BTG3: variants seen among roughly 807,000 people sequenced by gnomAD.
The protein encoded by BTG3 is protein BTG3.
In BTG3, 4 loss-of-function variants were observed where a neutral mutation model predicts 25.8. The observed-to-expected ratio is 0.16, with a 90% CI of 0.08 to 0.36. BTG3 has a LOEUF of 0.36. BTG3 is among the 10% of genes least tolerant of loss of function. The pLI, the probability that BTG3 is intolerant of heterozygous loss-of-function variation, is 1.00. For synonymous variants in BTG3, 107 were observed against 99.9 expected (o/e 1.07, Z -0.42); for missense variants, 201 against 304.9 (o/e 0.66, Z 2.54).
chr21:17,601,192 G>T (rs1378440685), intron 3 of BTG3, among the ~76,000 whole-genome samples: 1 of 152,012 alleles, frequency 6.6e-6, no homozygotes, highest in South Asian at 2.1e-4. Flanking sequence ...CTACGGGATG[G>T]TAGAAAGGGC....
At chr21:17,610,208 T>C (rs2061700738) in intron 1 of BTG3, among the ~76,000 whole-genome samples, 1 of 152,170 alleles carries the variant, frequency 6.6e-6, no homozygotes, top group South Asian at 2.1e-4. Context: ...AAGTACAGGG[T>C]TACTTTTTGA....
chr21:17,599,978 A>C (rs1177489044), intron 3 of BTG3, among the ~76,000 whole-genome samples: 1 of 152,226 alleles, frequency 6.6e-6, no homozygotes, highest in Non-Finnish European at 1.5e-5. Context: ...GTTTTGCTTA[A>C]ATTATATTGC....
intron 4 of BTG3, among the ~76,000 whole-genome samples, chr21:17,594,947 AC>A (rs2061485641): frequency 6.6e-6 from 1 of 151,994 alleles, no homozygotes; most frequent in Non-Finnish European, 1.5e-5. Flanking sequence ...TCCCTGTGAC[AC>A]ATGTTTACCT....
At chr21:17,605,510 A>G (rs2061627813) in intron 2 of BTG3, among the ~76,000 whole-genome samples, 1 of 152,232 alleles carries the variant, frequency 6.6e-6, no homozygotes, top group African/African-American at 2.4e-5. Flanking sequence ...TAAATACAGG[A>G]TAAGTGAAGG....
At chr21:17,602,792 A>G (rs776206992) in intron 3 of BTG3, among the ~76,000 whole-genome samples, 80 of 152,330 alleles carry the variant, frequency 5.3e-4, no homozygotes, top group Non-Finnish European at 4.4e-4. Context: ...GAATGTCCGT[A>G]TAACTAAAGT....
At chr21:17,603,317 A>G (rs1030452243) in intron 3 of BTG3, among the ~76,000 whole-genome samples, 2 of 152,210 alleles carry the variant, frequency 1.3e-5, no homozygotes, top group Non-Finnish European at 2.9e-5. Context: ...TCTCAGACCT[A>G]AATTTGAGAT....
At chr21:17,611,364 A>G (rs1171367998) in intron 1 of BTG3, among the ~76,000 whole-genome samples, 2 of 152,176 alleles carry the variant, frequency 1.3e-5, no homozygotes, top group African/African-American at 4.8e-5. Flanking sequence ...CACATATCTG[A>G]GTTCTGGATT....
chr21:17,608,236 G>A (rs1448173234), intron 2 of BTG3, among the ~76,000 whole-genome samples: 2 of 152,160 alleles, frequency 1.3e-5, no homozygotes, highest in South Asian at 4.1e-4. Flanking sequence ...AGCCTGGTGT[G>A]TTGGCACATG....
chr21:17,596,726 ATCC>A lies in BTG3; in HGVS notation c.519+1888_519+1890del, dbSNP rs560701860. Among the ~76,000 whole-genome samples the A allele has an allele frequency of 2.7e-3, 413 of 152,188 alleles. 3 individuals are homozygous for A. The highest frequency in any genetic ancestry group is 9.3e-3 in the African/African-American group (388 of 41,558). On this transcript the variant is annotated intron_variant, in intron 4 of 4. Transcript: ENST00000348354. ...TGAATTAGTGTGAGCCCTCCAACTG[ATCC>A]TCCTTTTTTAAAATTTTGAATCAAT...
intron 3 of BTG3, among the ~76,000 whole-genome samples, chr21:17,601,145 AGAGT>A (rs1165750611): frequency 2.0e-5 from 3 of 151,786 alleles, no homozygotes; most frequent in Non-Finnish European, 2.9e-5. Context: ...CCTGGGCGAC[AGAGT>A]GAGACTCCGT....
chr21:17,611,749 G>GT (rs1303011971), intron 1 of BTG3: 7 of 152,236 alleles, frequency 4.6e-5, no homozygotes, highest in African/African-American at 1.7e-4. Flanking sequence ...GTTCTACTTT[G>GT]TTCCACAAGG....
At chr21:17,607,044 C>T (rs565931012) in intron 2 of BTG3, among the ~76,000 whole-genome samples, 1 of 152,302 alleles carries the variant, frequency 6.6e-6, no homozygotes, top group Admixed American at 6.5e-5. Context: ...ACTGAAGTCT[C>T]TACTAACTTG....
Position 17,594,236 on chromosome 21 carries a change from G to T in BTG3, c.616C>A (p.Pro206Thr). Residue 206 changes from proline (P) to threonine (T), a missense_variant, in exon 5 of 5, where the codon CCT becomes ACT. This residue lies in a region of BTG3 where 131 missense variants were observed against 129.3 expected (regional missense o/e 1.01). Coordinates refer to ENST00000348354, the MANE Select transcript of BTG3 (RefSeq NM_006806.5). ...GGATAACCAAATGGAACAGGAGGAG[G>T]ATAGTGATTCTGATGGCCATTCCCT... Reference protein sequence around the residue: ...YRGNGHQNHYPPPVPFGYPNQ... With the variant: ...YRGNGHQNHYTPPVPFGYPNQ... 1 of 1,613,372 alleles carries T rather than the reference G, an allele frequency of 6.2e-7. No individual in the cohort carries two copies.
chr21:17,606,918 T>C (rs1177910937), intron 2 of BTG3, among the ~76,000 whole-genome samples: 3 of 152,196 alleles, frequency 2.0e-5, no homozygotes, highest in African/African-American at 7.2e-5. Context: ...AATATTTTTA[T>C]AGATCTTGAT....
intron 2 of BTG3, among the ~76,000 whole-genome samples, chr21:17,607,904 A>G (rs1251909158): frequency 1.3e-5 from 2 of 152,228 alleles, no homozygotes; most frequent in African/African-American, 2.4e-5. Flanking sequence ...GGCATGTTTT[A>G]TAGGAGTCTG....
chr21:17,604,910 G>C lies in BTG3; in HGVS notation c.261C>G (p.Gly87=). 1.2e-6 allele frequency: 2 copies of C among 1,614,182 alleles called. No homozygotes were observed. Among genetic ancestry groups the C allele is most frequent in the Non-Finnish European group, 1.7e-6 (2 of 1,180,032 alleles). ...CCCAGAGAGTGAGCTCCTTTGGCAAGCCCAGGTCACTATACAAGATGCAGC... is the reference window on the plus strand; with the variant it reads ...CCCAGAGAGTGAGCTCCTTTGGCAACCCCAGGTCACTATACAAGATGCAGC... The part of the protein sequence containing the change: ...ENSCILYSDL[G]LPKELTLWVD... Residue 87 remains glycine (G), a synonymous_variant, in exon 3 of 5, where the codon GGC becomes GGG. Coordinates refer to ENST00000348354, the MANE Select transcript of BTG3 (RefSeq NM_006806.5).
intron 4 of BTG3, among the ~76,000 whole-genome samples, chr21:17,595,490 C>T (rs1329430781): frequency 6.6e-6 from 1 of 152,042 alleles, no homozygotes; most frequent in East Asian, 1.9e-4. Flanking sequence ...ATTCTATCCA[C>T]ATCTATACAC....
At position 17,604,840 on chromosome 21, in the gene BTG3, C is replaced by T. The variant is rs1432809958; in HGVS notation, c.311+20G>A. 6 of 1,608,844 alleles carry T rather than the reference C, an allele frequency of 3.7e-6. No individual in the cohort carries two copies. The African/African-American group carries it at 5.3e-5, about 14-fold the overall frequency. On this transcript the variant is annotated intron_variant, in intron 3 of 4. Transcript: ENST00000348354. ...GTTCCAGCATGGTCATCAGTTCAGC[C>T]TCTAAACTTGAGAACTCACCGACAG...
In BTG3 at chr21:17,609,400, G is replaced by C. The variant is rs182982094; in HGVS notation, c.-8-248C>G. On this transcript the variant is annotated intron_variant, in intron 1 of 4. Coordinates refer to ENST00000348354, the MANE Select transcript of BTG3 (RefSeq NM_006806.5). Reference sequence around the variant, plus strand: ...AGAAATTCCATAAAGATAGCACGTTGCTCCTGTTGGCTAAAATAAAACCAC... The same window carrying C: ...AGAAATTCCATAAAGATAGCACGTTCCTCCTGTTGGCTAAAATAAAACCAC... Among the ~76,000 whole-genome samples the C allele has an allele frequency of 2.3e-4, 35 of 152,220 alleles. 1 individual carries two copies. In the East Asian group the frequency reaches 6.8e-3, roughly 29 times the overall value.
Sources: gnomAD v4.1 joint callset for allele counts (sites outside exome capture counted in the v4.1 genomes callset) on GRCh38, gnomAD v4.1.1 for gene constraint, gnomAD v4.1.1 regional missense constraint, MANE v1.5 for transcripts, NCBI Gene and HGNC (gene_info 2026-07-23, HGNC 2026-07-21) for gene names.